The following RYR2 variants were observed in gnomAD, a reference collection of about 807,000 sequenced individuals.
RYR2 encodes cardiac muscle ryanodine receptor-calcium release channel.
RYR2 carries 227 observed loss-of-function variants against 601.1 expected under a neutral mutation model. The ratio of observed to expected loss-of-function variants is 0.38; its 90% CI spans 0.34 to 0.42. RYR2 has a LOEUF of 0.42. RYR2 is among the 10% of genes least tolerant of loss of function. The pLI, the probability that RYR2 is intolerant of heterozygous loss-of-function variation, is 1.00. For missense variants in RYR2, 4,646 were observed against 6,156.5 expected (o/e 0.75, Z 8.21); for synonymous variants, 2,223 against 2,175.1 (o/e 1.02, Z -0.61).
chr1:237,425,463 G>A (rs758078810), intron 12 of RYR2, among the ~76,000 whole-genome samples: 20 of 151,966 alleles, frequency 1.3e-4, no homozygotes, highest in Admixed American at 3.9e-4. Context: ...GTGAAACCTC[G>A]TCTCTACTAA....
rs1671739495 is a variant in RYR2 at position 237,128,142 on chromosome 1, G to A, written c.48+85573G>A. 3.3e-5 allele frequency among the ~76,000 whole-genome samples: 5 copies of A among 152,206 alleles called. No homozygotes were observed. In the South Asian group the frequency reaches 1.0e-3, roughly 31 times the overall value. ...CTCCGTCTGCAATCCCGGCACCTCG[G>A]GAGGCCGAGGCTGGCGGATCACTTG... is the stretch of plus-strand genomic sequence containing the variant. On this transcript the variant is annotated intron_variant, in intron 1 of 104. Coordinates refer to ENST00000366574, the MANE Select transcript of RYR2 (RefSeq NM_001035.3).
At chr1:237,334,818 G>T (rs565538400) in intron 3 of RYR2, among the ~76,000 whole-genome samples, 1 of 152,042 alleles carries the variant, frequency 6.6e-6, no homozygotes, top group Non-Finnish European at 1.5e-5. Flanking sequence ...TCTATTTTGC[G>T]TATGGATGAT....
chr1:237,667,981 A>G, intron 58 of RYR2, 23 bp downstream of exon 58: 1 of 1,529,712 alleles, frequency 6.5e-7, no homozygotes, highest in African/African-American at 1.4e-5. Flanking sequence ...AAAAACGTTT[A>G]TTAAAAAATA....
chr1:237,595,377 C>A, intron 33 of RYR2, 121 bp from the exon 34 acceptor site: 1 of 1,150,070 alleles, frequency 8.7e-7, no homozygotes. Context: ...TATTGTGCAC[C>A]TCTCCCATTA....
Position 237,707,280 on chromosome 1 carries a change from G to A in RYR2, c.9901+11G>A, listed in dbSNP as rs765377031. ...TGAAGAGGCTAGCAGGTAAGAACTG[G>A]AAGAAGACATTGTACCCCTGAAATC... On this transcript the variant is annotated intron_variant, in intron 68 of 104. Transcript: ENST00000366574. 2 of 1,378,240 alleles carry A rather than the reference G, an allele frequency of 1.5e-6. No homozygotes were observed. The highest frequency in any genetic ancestry group is 1.9e-6 in the Non-Finnish European group (2 of 1,035,392). The allele number at this position is 1,378,240 out of a possible 1,614,324, so 85.4% of individuals were successfully genotyped here.
At chr1:237,086,116 G>A (rs1450560465) in intron 1 of RYR2, among the ~76,000 whole-genome samples, 1 of 152,240 alleles carries the variant, frequency 6.6e-6, no homozygotes, top group Non-Finnish European at 1.5e-5. Flanking sequence ...TGCCTGAGCT[G>A]TCATAACAAA....
At chr1:237,756,473 T>A in intron 81 of RYR2, 86 bp downstream of exon 81, 1 of 823,192 alleles carries the variant, frequency 1.2e-6, no homozygotes, top group Non-Finnish European at 2.0e-6. Context: ...TCAATTCCAC[T>A]GACTCATTTA....
At chr1:237,185,473 C>T (rs1036497239) in intron 1 of RYR2, among the ~76,000 whole-genome samples, 1 of 152,124 alleles carries the variant, frequency 6.6e-6, no homozygotes, top group Non-Finnish European at 1.5e-5. Context: ...TACTTTGCCT[C>T]TCACATTCTC....
chr1:237,473,961 A>T (rs1291803677), intron 17 of RYR2, among the ~76,000 whole-genome samples: 1 of 151,894 alleles, frequency 6.6e-6, no homozygotes, highest in Admixed American at 6.6e-5. Context: ...TTACACTGTC[A>T]TGAATCATAG....
rs12725099 is a variant in RYR2 at position 237,631,818 on chromosome 1, C to T, written c.6555+277C>T. ...AATTTTTTTGTGTTTTTAGTAGAGA[C>T]GGGGTTTCACTGTGTTAGCCAGGAT... On this transcript the variant is annotated intron_variant, in intron 42 of 104. Coordinates refer to ENST00000366574, the MANE Select transcript of RYR2 (RefSeq NM_001035.3). Among the ~76,000 whole-genome samples, 25,484 of 150,702 alleles carry T rather than the reference C, an allele frequency of 0.17. 2,788 individuals are homozygous for T. Among genetic ancestry groups the T allele is most frequent in the East Asian group, 0.39 (1,975 of 5,006 alleles).
chr1:237,382,920 T>A (rs909420239), intron 8 of RYR2, among the ~76,000 whole-genome samples: 3 of 151,628 alleles, frequency 2.0e-5, no homozygotes, highest in Admixed American at 6.6e-5. Flanking sequence ...TTTTGTTTTT[T>A]TTTTTTCAGA....
chr1:237,112,544 C>A (rs1423591792), intron 1 of RYR2, among the ~76,000 whole-genome samples: 2 of 148,666 alleles, frequency 1.3e-5, no homozygotes, highest in East Asian at 2.0e-4. Context: ...GAACTTCCCC[C>A]TACCTCTTCT....
intron 99 of RYR2, among the ~76,000 whole-genome samples, chr1:237,806,703 A>G (rs1660669115): frequency 6.6e-6 from 1 of 152,226 alleles, no homozygotes; most frequent in Non-Finnish European, 1.5e-5. Flanking sequence ...TCGTTGTAAA[A>G]TATGAGATGC....
chr1:237,808,387 A>G lies in RYR2; in HGVS notation c.14299-514A>G, dbSNP rs529935287. 1.3e-4 allele frequency among the ~76,000 whole-genome samples: 20 copies of G among 152,216 alleles called. No homozygotes were observed. In the South Asian group the frequency reaches 4.1e-3, roughly 32 times the overall value. On this transcript the variant is annotated intron_variant, in intron 99 of 104. Coordinates refer to ENST00000366574, the MANE Select transcript of RYR2 (RefSeq NM_001035.3). Reference sequence around the variant, plus strand: ...TCATAAAATGAAGAAAGGGCCGGGCACGGTGGCTCACGCCTGTAATCCCAG... The same window carrying G: ...TCATAAAATGAAGAAAGGGCCGGGCGCGGTGGCTCACGCCTGTAATCCCAG...
chr1:237,209,143 A>G (rs1164757939), intron 1 of RYR2, among the ~76,000 whole-genome samples: 1 of 150,780 alleles, frequency 6.6e-6, no homozygotes, highest in Non-Finnish European at 1.5e-5. Flanking sequence ...ATACATATTT[A>G]TATATATAAA....
chr1:237,243,246 G>A (rs189278998), intron 1 of RYR2, among the ~76,000 whole-genome samples: 2 of 152,110 alleles, frequency 1.3e-5, no homozygotes, highest in East Asian at 3.9e-4. Context: ...GATCCCACAG[G>A]TTGGGGGCTC....
intron 34 of RYR2, among the ~76,000 whole-genome samples, chr1:237,601,545 A>T (rs991057334): frequency 6.6e-6 from 1 of 152,114 alleles, no homozygotes; most frequent in Non-Finnish European, 1.5e-5. Flanking sequence ...ATAGTCAACC[A>T]TCAGGTATTG....
At position 237,330,987 on chromosome 1, in the gene RYR2, G is replaced by A; in HGVS notation, c.273+5G>A. On this transcript the variant is annotated splice_donor_5th_base_variant and intron_variant, in intron 3 of 104. Coordinates refer to ENST00000366574, the MANE Select transcript of RYR2 (RefSeq NM_001035.3). ...ACCGTGGAGAAATCAGAAGGGGCAA[G>A]TACCCAATTTATGTAGACTTGTAGT... 1 of 1,610,374 alleles carries A rather than the reference G, an allele frequency of 6.2e-7. No individual in the cohort carries two copies. The highest frequency in any genetic ancestry group is 8.5e-7 in the Non-Finnish European group (1 of 1,176,584).
At chr1:237,081,293 A>T (rs1477792789) in intron 1 of RYR2, among the ~76,000 whole-genome samples, 3 of 149,200 alleles carry the variant, frequency 2.0e-5, no homozygotes, top group Admixed American at 6.7e-5. Flanking sequence ...AAAAAAAAAA[A>T]AAAAAAAAAA....
Sources: gnomAD v4.1 joint callset for allele counts (sites outside exome capture counted in the v4.1 genomes callset) on GRCh38, gnomAD v4.1.1 for gene constraint, MANE v1.5 for transcripts, NCBI Gene and HGNC (gene_info 2026-07-23, HGNC 2026-07-21) for gene names.